The following RP1 variants were observed in gnomAD, a reference collection of about 807,000 sequenced individuals.
RP1 encodes the protein RP1 axonemal microtubule associated, also known as oxygen-regulated protein 1.
Under a neutral mutation model 14.8 loss-of-function variants are expected in RP1, and 16 were observed. The ratio of observed to expected loss-of-function variants is 1.08; its 90% CI spans 0.73 to 1.65. The LOEUF (loss-of-function observed/expected upper bound fraction) is 1.65, where lower values mean the gene tolerates loss of function less well. RP1 is among the 40% of genes most tolerant of loss of function. RP1 has a pLI of 0.00. For missense variants in RP1, 2,631 were observed against 2,535.0 expected (o/e 1.04, Z -0.81); for synonymous variants, 876 against 883.6 (o/e 0.99, Z 0.15).
chr8:54,719,989 G>A (rs949217804), intron 15 of RP1: 1 of 685,222 alleles, frequency 1.5e-6, no homozygotes, highest in Non-Finnish European at 2.3e-6. Flanking sequence ...AAGCACACAG[G>A]GCAATTTACG....
chr8:54,637,547 T>A lies in RP1; in HGVS notation c.788-11438T>A, dbSNP rs1246579412. On this transcript the variant is annotated intron_variant, in intron 3 of 22. Transcript: ENST00000636932. Reference sequence around the variant, plus strand: ...GACCCTGTACATGCCTAATTCCCACTCCAGAGGCATCTTTCTTGAAAATAT... The same window carrying A: ...GACCCTGTACATGCCTAATTCCCACACCAGAGGCATCTTTCTTGAAAATAT... 5.9e-5 allele frequency among the ~76,000 whole-genome samples: 9 copies of A among 152,308 alleles called. No homozygotes were observed. In the East Asian group the frequency reaches 1.4e-3, roughly 23 times the overall value.
At chr8:54,816,846 C>T (rs1811143923) in intron 24 of RP1, among the ~76,000 whole-genome samples, 1 of 152,122 alleles carries the variant, frequency 6.6e-6, no homozygotes, top group Non-Finnish European at 1.5e-5. Context: ...TCCCAACAGC[C>T]CAGGGAGCTT....
intron 1 of RP1, among the ~76,000 whole-genome samples, chr8:54,577,229 T>C (rs1331519715): frequency 6.6e-6 from 1 of 152,118 alleles, no homozygotes; most frequent in Non-Finnish European, 1.5e-5. Context: ...TTGGTCAACC[T>C]GGTCTCGAAC....
rs760862207 is a variant in RP1 at position 54,626,190 on chromosome 8, G to A, written c.2308G>A (p.Val770Ile). The A allele has an allele frequency of 1.2e-6, 2 of 1,610,046 alleles. No homozygotes were observed. Among genetic ancestry groups the A allele is most frequent in the Admixed American group, 3.4e-5 (2 of 59,594 alleles). Residue 770 changes from valine (V) to isoleucine (I), a missense_variant, in exon 4 of 4, where the codon GTT (valine) becomes ATT (isoleucine). Transcript: ENST00000220676. ...NKLNTTQNSK[V>I]QGLLTKRKSR... is the part of the protein sequence containing the mutation. ...ATTAAATACTACTCAAAATTCCAAG[G>A]TTCAAGGACTTTTAACCAAAAGAAA...
At chr8:54,786,237 A>C (rs1338739084) in intron 24 of RP1, among the ~76,000 whole-genome samples, 2 of 152,064 alleles carry the variant, frequency 1.3e-5, no homozygotes, top group East Asian at 3.9e-4. Context: ...TAATTTGCAT[A>C]TGCAAGTCTT....
intron 12 of RP1, chr8:54,679,949 A>G (rs1439909659): frequency 6.5e-7 from 1 of 1,535,342 alleles, no homozygotes; most frequent in Non-Finnish European, 8.7e-7. Flanking sequence ...ACTATCGTAC[A>G]AAGCTTGTGG....
chr8:54,692,876 C>A (rs1244852945), intron 12 of RP1, among the ~76,000 whole-genome samples: 3 of 151,892 alleles, frequency 2.0e-5, no homozygotes, highest in African/African-American at 7.3e-5. Context: ...GGTGTTTTAG[C>A]CATGAAGTGC....
intron 7 of RP1, among the ~76,000 whole-genome samples, chr8:54,671,127 G>GT (rs956106258): frequency 1.3e-5 from 2 of 151,624 alleles, no homozygotes; most frequent in Non-Finnish European, 2.9e-5. Flanking sequence ...TGGTTGAGAG[G>GT]TTTTTTTCTT....
intron 7 of RP1, among the ~76,000 whole-genome samples, chr8:54,673,464 G>A (rs1447366703): frequency 1.3e-5 from 2 of 152,094 alleles, no homozygotes; most frequent in Non-Finnish European, 2.9e-5. Context: ...TACTGGCTGG[G>A]TGCCGTGGCC....
chr8:54,643,481 A>C (rs920899658), intron 3 of RP1, among the ~76,000 whole-genome samples: 1 of 152,126 alleles, frequency 6.6e-6, no homozygotes, highest in Non-Finnish European at 1.5e-5. Context: ...TAGGGTTTTG[A>C]TCATCATGAA....
chr8:54,670,342 G>A (rs1275600375), intron 7 of RP1, among the ~76,000 whole-genome samples: 2 of 151,230 alleles, frequency 1.3e-5, no homozygotes, highest in Non-Finnish European at 2.9e-5. Context: ...ATTATTGAAA[G>A]TGGGGCATTG....
At chr8:54,716,062 T>C (rs1410098615) in intron 15 of RP1, among the ~76,000 whole-genome samples, 1 of 152,190 alleles carries the variant, frequency 6.6e-6, no homozygotes, top group African/African-American at 2.4e-5. Context: ...TTTGGGGAGA[T>C]AGTGGTTTGG....
chr8:54,569,439 G>A (rs1455381907), intron 1 of RP1, among the ~76,000 whole-genome samples: 5 of 152,174 alleles, frequency 3.3e-5, no homozygotes, highest in Admixed American at 3.3e-4. Flanking sequence ...TATGTACGGG[G>A]AAAGAATGAA....
exon 18 of RP1, chr8:54,734,599 A>G (rs1361601701): frequency 6.5e-7 from 1 of 1,535,524 alleles, no homozygotes; most frequent in African/African-American, 1.4e-5. Flanking sequence ...GATGAATGGA[A>G]GGTGTTAGTG....
chr8:54,769,946 T>A, exon 23 of RP1: 2 of 590,998 alleles, frequency 3.4e-6, no homozygotes, highest in Non-Finnish European at 2.9e-6. Context: ...TTCCTCACAG[T>A]GAAATAAAAA....
chr8:54,754,891 T>C (rs1424423295), exon 20 of RP1: 1 of 1,527,138 alleles, frequency 6.5e-7, no homozygotes. Flanking sequence ...GGGGATGTTG[T>C]CTGTGAGCTT....
chr8:54,863,035 T>C (rs1465630015), intron 27 of RP1, among the ~76,000 whole-genome samples: 1 of 115,580 alleles, frequency 8.7e-6, no homozygotes, highest in Non-Finnish European at 1.7e-5. Context: ...CCCCAGAGTA[T>C]TCCAAATGGA....
chr8:54,843,561 A>AT (rs1158639856), intron 25 of RP1, among the ~76,000 whole-genome samples: 2 of 152,128 alleles, frequency 1.3e-5, no homozygotes, highest in African/African-American at 4.8e-5. Context: ...CTGAGATCTG[A>AT]TTTTTTTGGG....
intron 3 of RP1, among the ~76,000 whole-genome samples, chr8:54,636,328 C>T (rs761861441): frequency 5.7e-4 from 87 of 152,210 alleles, no homozygotes; most frequent in Non-Finnish European, 1.0e-3. Context: ...CCATGGAAGG[C>T]GCACTGTCAA....
Sources: allele counts gnomAD v4.1 joint callset (sites outside exome capture counted in the v4.1 genomes callset), GRCh38; gene constraint gnomAD v4.1.1; transcripts MANE v1.5; gene names NCBI Gene and HGNC (gene_info 2026-07-23, HGNC 2026-07-21).